Variants in LRRC3B observed in about 807,000 individuals in gnomAD.
The protein encoded by LRRC3B is leucine-rich repeat-containing protein 3B.
Under a neutral mutation model 12.8 loss-of-function variants are expected in LRRC3B, and 2 were observed. That is an observed-to-expected ratio of 0.16 (90% CI 0.06 to 0.49). The LOEUF (loss-of-function observed/expected upper bound fraction) is 0.49. Among genes scored for constraint, LRRC3B ranks in the 20% least tolerant of loss-of-function variants. The pLI is 0.96. For missense variants in LRRC3B, 189 were observed against 319.4 expected, an observed-to-expected ratio of 0.59 and a Z score of 3.11; for synonymous variants, 132 against 122.0, an observed-to-expected ratio of 1.08 and a Z score of -0.54.
At chr3:26,629,971 CAAA>C (rs35195778) in intron 1 of LRRC3B, among the ~76,000 whole-genome samples, 19,867 of 93,240 alleles carry the variant, frequency 0.21, 2,764 homozygotes, top group East Asian at 0.46. Flanking sequence ...AGAAGCATGG[CAAA>C]AAAAAAAAAA....
At chr3:26,656,897 C>A (rs573684328) in intron 1 of LRRC3B, among the ~76,000 whole-genome samples, 3 of 152,114 alleles carry the variant, frequency 2.0e-5, no homozygotes, top group Non-Finnish European at 4.4e-5. Flanking sequence ...GGACAATAGA[C>A]AAAGACCTAG....
At chr3:26,701,262 T>G (rs961956694) in intron 1 of LRRC3B, 1 of 152,050 alleles carries the variant, frequency 6.6e-6, no homozygotes, top group African/African-American at 2.4e-5. Flanking sequence ...TGGCTTGATT[T>G]CTCTTCTCTG....
At chr3:26,658,709 G>A (rs1699429670) in intron 1 of LRRC3B, among the ~76,000 whole-genome samples, 1 of 152,256 alleles carries the variant, frequency 6.6e-6, no homozygotes, top group Non-Finnish European at 1.5e-5. Context: ...AGGGGAAAGT[G>A]TGATCTGTTC....
At chr3:26,639,179 A>G (rs1698966386) in intron 1 of LRRC3B, among the ~76,000 whole-genome samples, 1 of 152,220 alleles carries the variant, frequency 6.6e-6, no homozygotes, top group Admixed American at 6.5e-5. Flanking sequence ...CAGTAGCTAC[A>G]TTAAACATGT....
At chr3:26,707,630 A>C (rs1309158820) in intron 1 of LRRC3B, among the ~76,000 whole-genome samples, 1 of 152,194 alleles carries the variant, frequency 6.6e-6, no homozygotes, top group African/African-American at 2.4e-5. Flanking sequence ...ATGGATGGAA[A>C]TCACTTGGCT....
chr3:26,650,448 A>T (rs1699241649), intron 1 of LRRC3B, among the ~76,000 whole-genome samples: 1 of 152,334 alleles, frequency 6.6e-6, no homozygotes, highest in Admixed American at 6.5e-5. Flanking sequence ...GGAAATGAAG[A>T]GAAAGGGGTC....
intron 1 of LRRC3B, among the ~76,000 whole-genome samples, chr3:26,627,323 G>GT (rs1286356143): frequency 6.6e-6 from 1 of 152,158 alleles, no homozygotes; most frequent in Non-Finnish European, 1.5e-5. Flanking sequence ...GAAGAATCCT[G>GT]TTTTTCAGAA....
At chr3:26,671,222 A>G (rs1456431159) in intron 1 of LRRC3B, among the ~76,000 whole-genome samples, 1 of 143,578 alleles carries the variant, frequency 7.0e-6, no homozygotes, top group East Asian at 2.1e-4. Flanking sequence ...TCACCGTTTT[A>G]GCCGGGATGG....
chr3:26,629,215 C>T (rs1180550581), intron 1 of LRRC3B, among the ~76,000 whole-genome samples: 1 of 148,706 alleles, frequency 6.7e-6, no homozygotes, highest in Non-Finnish European at 1.5e-5. Flanking sequence ...TCCTTCCTTC[C>T]CTCCCTCACT....
At chr3:26,669,257 C>T (rs1379733524) in intron 1 of LRRC3B, among the ~76,000 whole-genome samples, 1 of 152,092 alleles carries the variant, frequency 6.6e-6, no homozygotes, top group African/African-American at 2.4e-5. Flanking sequence ...TCGTGCAGAG[C>T]TATTGCTGTT....
chr3:26,649,583 A>T (rs13096447), intron 1 of LRRC3B, among the ~76,000 whole-genome samples: 1 of 152,164 alleles, frequency 6.6e-6, no homozygotes, highest in Admixed American at 6.5e-5. Flanking sequence ...ATTTGAAGGT[A>T]CAATACCTCA....
intron 1 of LRRC3B, among the ~76,000 whole-genome samples, chr3:26,703,780 C>T (rs2125461312): frequency 6.6e-6 from 1 of 151,752 alleles, no homozygotes; most frequent in South Asian, 2.1e-4. Flanking sequence ...TTCAGTCTCT[C>T]ATCATGAAAC....
chr3:26,652,858 AT>A (rs1395815604), intron 1 of LRRC3B, among the ~76,000 whole-genome samples: 2 of 152,178 alleles, frequency 1.3e-5, no homozygotes, highest in Admixed American at 6.5e-5. Context: ...ATGCTAAAAA[AT>A]ATTTTTGTTT....
intron 1 of LRRC3B, among the ~76,000 whole-genome samples, chr3:26,707,275 G>A (rs958784692): frequency 5.9e-5 from 9 of 151,876 alleles, no homozygotes; most frequent in Non-Finnish European, 1.2e-4. Context: ...TGGGGTGGGA[G>A]AATTGCTGGA....
chr3:26,671,367 T>TAGAGAGAGAGAG (rs1480789861), intron 1 of LRRC3B, among the ~76,000 whole-genome samples: 35 of 40,304 alleles, frequency 8.7e-4, no homozygotes, highest in East Asian at 1.5e-3. Context: ...TATATATATA[T>TAGAGAGAGAGAG]ATATATAGAG....
At chr3:26,649,296 C>T (rs1374383101) in intron 1 of LRRC3B, among the ~76,000 whole-genome samples, 1 of 152,202 alleles carries the variant, frequency 6.6e-6, no homozygotes, top group East Asian at 1.9e-4. Context: ...TGGGCAGCCT[C>T]TACTGGTCTT....
intron 1 of LRRC3B, among the ~76,000 whole-genome samples, chr3:26,660,022 G>A (rs977607160): frequency 6.6e-6 from 1 of 152,134 alleles, no homozygotes; most frequent in Non-Finnish European, 1.5e-5. Context: ...CCCTCACTTT[G>A]CTTAGAGTTT....
intron 1 of LRRC3B, among the ~76,000 whole-genome samples, chr3:26,698,688 T>A (rs1700379136): frequency 6.6e-6 from 1 of 152,090 alleles, no homozygotes. Context: ...ATTGTTAAAT[T>A]TTTCCCATCA....
At chr3:26,662,207 G>C (rs929748269) in intron 1 of LRRC3B, among the ~76,000 whole-genome samples, 1 of 151,744 alleles carries the variant, frequency 6.6e-6, no homozygotes, top group East Asian at 1.9e-4. Flanking sequence ...TTTTTTCCTA[G>C]ACCATTATAG....
Sources: allele counts gnomAD v4.1 joint callset (sites outside exome capture counted in the v4.1 genomes callset), GRCh38; gene constraint gnomAD v4.1.1; transcripts MANE v1.5; gene names NCBI Gene and HGNC (gene_info 2026-07-23, HGNC 2026-07-21).